ACVR2A: variants seen among roughly 807,000 people sequenced by gnomAD.
ACVR2A encodes activin A receptor type 2A.
Under a neutral mutation model 61.4 loss-of-function variants are expected in ACVR2A, and 7 were observed. The ratio of observed to expected loss-of-function variants is 0.11; its 90% CI spans 0.06 to 0.21. ACVR2A has a LOEUF of 0.21. Among genes scored for constraint, ACVR2A ranks in the 10% least tolerant of loss-of-function variants. ACVR2A has a pLI of 1.00. For missense variants in ACVR2A, 322 were observed against 621.7 expected, an observed-to-expected ratio of 0.52 and a Z score of 5.13; for synonymous variants, 193 against 208.3, an observed-to-expected ratio of 0.93 and a Z score of 0.63.
intron 4 of ACVR2A, 138 bp downstream of exon 4, chr2:147,900,036 T>C (rs1233381725): frequency 1.0e-6 from 1 of 987,398 alleles, no homozygotes. Context: ...ATGAGAACTC[T>C]AGCTAACTTT....
chr2:147,848,533 G>A (rs1266711565), intron 1 of ACVR2A, among the ~76,000 whole-genome samples: 1 of 152,134 alleles, frequency 6.6e-6, no homozygotes, highest in African/African-American at 2.4e-5. Flanking sequence ...CAATATGTCA[G>A]TAGTGTAGAG....
chr2:147,863,661 G>C (rs1310135725), intron 1 of ACVR2A, among the ~76,000 whole-genome samples: 2 of 152,186 alleles, frequency 1.3e-5, no homozygotes, highest in Non-Finnish European at 2.9e-5. Context: ...TCTTCATTAA[G>C]TGGAAGTAGA....
chr2:147,856,723 A>G (rs1458271192), intron 1 of ACVR2A, among the ~76,000 whole-genome samples: 1 of 152,212 alleles, frequency 6.6e-6, no homozygotes, highest in Admixed American at 6.5e-5. Context: ...TGGTAATAGT[A>G]AAGCAATTTG....
chr2:147,891,600 G>T (rs1357307552), intron 1 of ACVR2A, among the ~76,000 whole-genome samples: 3 of 151,758 alleles, frequency 2.0e-5, no homozygotes, highest in Admixed American at 6.6e-5. Flanking sequence ...ATAATATTTT[G>T]TGAGTTGTAA....
chr2:147,866,099 C>G (rs2105150809), intron 1 of ACVR2A, among the ~76,000 whole-genome samples: 1 of 152,130 alleles, frequency 6.6e-6, no homozygotes, highest in South Asian at 2.1e-4. Flanking sequence ...AATGTCATGG[C>G]CAACAAAATG....
At chr2:147,897,350 GA>G (rs562929944) in intron 2 of ACVR2A, among the ~76,000 whole-genome samples, 31 of 152,224 alleles carry the variant, frequency 2.0e-4, no homozygotes, top group Middle Eastern at 3.4e-3. Flanking sequence ...AATTTCATCA[GA>G]ACTAACAGTC....
chr2:147,861,501 G>T (rs1573916081), intron 1 of ACVR2A, among the ~76,000 whole-genome samples: 1 of 152,136 alleles, frequency 6.6e-6, no homozygotes, highest in East Asian at 1.9e-4. Flanking sequence ...GTAGTATACA[G>T]GTTGAGCATG....
At chr2:147,889,038 A>C (rs1011223675) in intron 1 of ACVR2A, among the ~76,000 whole-genome samples, 8 of 151,374 alleles carry the variant, frequency 5.3e-5, no homozygotes, top group African/African-American at 1.2e-4. Context: ...AATTTTATCT[A>C]ATGCTTTTTC....
chr2:147,847,240 G>A (rs1685334180), intron 1 of ACVR2A, among the ~76,000 whole-genome samples: 1 of 152,074 alleles, frequency 6.6e-6, no homozygotes, highest in South Asian at 2.1e-4. Context: ...ACTAAAATAT[G>A]TGATTCTGTT....
intron 1 of ACVR2A, among the ~76,000 whole-genome samples, chr2:147,850,443 T>C (rs1310916727): frequency 2.0e-5 from 3 of 152,178 alleles, no homozygotes; most frequent in South Asian, 2.1e-4. Flanking sequence ...ATTGCTCTTA[T>C]TCTCTTTTTT....
chr2:147,903,295 G>A (rs922153120), intron 4 of ACVR2A, among the ~76,000 whole-genome samples: 6 of 143,980 alleles, frequency 4.2e-5, no homozygotes, highest in African/African-American at 1.3e-4. Flanking sequence ...ATTGTTTCAT[G>A]GTATCACTTT....
intron 7 of ACVR2A, among the ~76,000 whole-genome samples, chr2:147,919,374 T>C (rs1475184336): frequency 1.3e-5 from 2 of 152,146 alleles, no homozygotes; most frequent in African/African-American, 4.8e-5. Flanking sequence ...ATTGGCCTCG[T>C]CTTCGATTTT....
intron 4 of ACVR2A, among the ~76,000 whole-genome samples, chr2:147,900,747 T>C (rs1686852195): frequency 6.6e-6 from 1 of 152,064 alleles, no homozygotes; most frequent in African/African-American, 2.4e-5. Flanking sequence ...ACTGTGTTTC[T>C]TTTAACTCTT....
Position 147,899,725 on chromosome 2 carries a change from T to C in ACVR2A, c.374-19T>C, listed in dbSNP as rs1188906587. 13 of 1,610,842 alleles carry C rather than the reference T, an allele frequency of 8.1e-6. No individual in the cohort carries two copies. Among genetic ancestry groups the C allele is most frequent in the African/African-American group, 2.7e-5 (2 of 74,816 alleles). ...TTTGTAGACCAAATCTGAGTTATTT[T>C]TCCCCCCCTTTTCCACAGCCACTTC... is the stretch of plus-strand genomic sequence containing the variant. On this transcript the variant is annotated intron_variant, in intron 3 of 10. Transcript: ENST00000241416.
At chr2:147,857,746 C>T (rs964778414) in intron 1 of ACVR2A, among the ~76,000 whole-genome samples, 3 of 151,838 alleles carry the variant, frequency 2.0e-5, no homozygotes, top group Admixed American at 2.0e-4. Context: ...TTTTATAGTA[C>T]CTACCTCAAA....
intron 1 of ACVR2A, among the ~76,000 whole-genome samples, chr2:147,887,203 T>A (rs1413370787): frequency 6.7e-6 from 1 of 149,626 alleles, no homozygotes; most frequent in Non-Finnish European, 1.5e-5. Flanking sequence ...TAGAGCGAGA[T>A]CTTGTCTCAA....
rs996948055 is a variant in ACVR2A, at chr2:147,900,050, A to C, written c.528+152A>C. The C allele has an allele frequency of 5.8e-6, 5 of 868,834 alleles. No individual in the cohort carries two copies. The East Asian group carries it at 8.1e-5, about 14-fold the overall frequency. 53.8% of individuals were successfully genotyped at this position (868,834 alleles called of 1,614,324 possible). On this transcript the variant is annotated intron_variant, in intron 4 of 10. Transcript: ENST00000241416. ...CATGAGAACTCTAGCTAACTTTGCA[A>C]ACTTATTAATGTACCTACCGTGTCC...
intron 7 of ACVR2A, 114 bp downstream of exon 7, chr2:147,918,706 A>G: frequency 2.2e-6 from 2 of 896,984 alleles, no homozygotes; most frequent in Non-Finnish European, 3.1e-6. Context: ...TTTACAAGAC[A>G]GTCAGTTTTC....
intron 4 of ACVR2A, among the ~76,000 whole-genome samples, chr2:147,914,880 G>A (rs1271422328): frequency 3.3e-5 from 5 of 151,866 alleles, no homozygotes; most frequent in Non-Finnish European, 4.4e-5. Flanking sequence ...GGAGTATTTC[G>A]TAGTTCACAG....
Sources: allele counts gnomAD v4.1 joint callset (sites outside exome capture counted in the v4.1 genomes callset), GRCh38; gene constraint gnomAD v4.1.1; transcripts MANE v1.5; gene names NCBI Gene and HGNC (gene_info 2026-07-23, HGNC 2026-07-21).